TTC39B: variants seen among roughly 807,000 people sequenced by gnomAD.
TTC39B encodes tetratricopeptide repeat protein 39B.
A neutral mutation model predicts 96.6 loss-of-function variants in TTC39B; 92 were observed. The observed-to-expected ratio is 0.95, with a 90% CI of 0.80 to 1.13. The LOEUF (loss-of-function observed/expected upper bound fraction) is 1.13, where lower values mean the gene tolerates loss of function less well. TTC39B is among the 50% of genes most tolerant of loss of function. TTC39B has a pLI of 0.00. For synonymous variants in TTC39B, 367 were observed against 299.4 expected (o/e 1.23, Z -2.33); for missense variants, 955 against 809.3 (o/e 1.18, Z -2.18).
At chr9:15,227,627 G>A (rs1483523444) in intron 2 of TTC39B, among the ~76,000 whole-genome samples, 1 of 152,076 alleles carries the variant, frequency 6.6e-6, no homozygotes, top group Non-Finnish European at 1.5e-5. Context: ...CCATAAATAA[G>A]ACTCTGGGCA....
intron 3 of TTC39B, among the ~76,000 whole-genome samples, chr9:15,222,162 G>A (rs1414458880): frequency 6.6e-6 from 1 of 152,178 alleles, no homozygotes; most frequent in Non-Finnish European, 1.5e-5. Flanking sequence ...AAGAGGGAAT[G>A]GTACAGATGT....
intron 2 of TTC39B, among the ~76,000 whole-genome samples, chr9:15,256,401 G>C (rs976015989): frequency 1.3e-5 from 2 of 152,084 alleles, no homozygotes; most frequent in African/African-American, 4.8e-5. Flanking sequence ...AGCCCAAATG[G>C]ACTAAGACAG....
At chr9:15,304,962 C>G (rs994912607) in intron 1 of TTC39B, among the ~76,000 whole-genome samples, 1 of 152,174 alleles carries the variant, frequency 6.6e-6, no homozygotes, top group African/African-American at 2.4e-5. Context: ...ATCACTTTGT[C>G]CCTTTTAACT....
At chr9:15,233,038 A>C (rs991457274) in intron 2 of TTC39B, among the ~76,000 whole-genome samples, 2 of 151,862 alleles carry the variant, frequency 1.3e-5, no homozygotes, top group African/African-American at 2.4e-5. Flanking sequence ...GGAAAGAGGA[A>C]ATTTTGCGAT....
chr9:15,296,620 G>A (rs927705006), intron 1 of TTC39B, among the ~76,000 whole-genome samples: 16 of 152,034 alleles, frequency 1.1e-4, no homozygotes, highest in South Asian at 2.1e-4. Context: ...TCAGCCTCCC[G>A]AGTAGCTGGG....
intron 1 of TTC39B, among the ~76,000 whole-genome samples, chr9:15,281,741 A>G (rs534303112): frequency 1.3e-5 from 2 of 151,530 alleles, no homozygotes; most frequent in East Asian, 3.9e-4. Context: ...CAGTGGCACA[A>G]TCTAGGCTCA....
intron 2 of TTC39B, among the ~76,000 whole-genome samples, chr9:15,258,413 A>T (rs561555843): frequency 6.6e-6 from 1 of 152,378 alleles, no homozygotes; most frequent in African/African-American, 2.4e-5. Flanking sequence ...AGATAAACAA[A>T]GGAGGTGGAT....
intron 1 of TTC39B, among the ~76,000 whole-genome samples, chr9:15,282,689 C>A (rs1214107754): frequency 6.6e-6 from 1 of 152,150 alleles, no homozygotes; most frequent in Non-Finnish European, 1.5e-5. Flanking sequence ...AACTGATTTG[C>A]TCTTCATAAA....
intron 1 of TTC39B, among the ~76,000 whole-genome samples, chr9:15,288,834 C>T (rs1024636053): frequency 2.0e-5 from 3 of 152,248 alleles, no homozygotes; most frequent in Non-Finnish European, 4.4e-5. Context: ...TCTGCACCTG[C>T]CCATCTTTGT....
chr9:15,216,669 T>C (rs570578386), intron 3 of TTC39B, among the ~76,000 whole-genome samples: 3 of 152,338 alleles, frequency 2.0e-5, no homozygotes, highest in South Asian at 2.1e-4. Flanking sequence ...CTGGGGTCTA[T>C]AGACCCATTT....
At chr9:15,190,174 A>G (rs959070485) in intron 11 of TTC39B, among the ~76,000 whole-genome samples, 2 of 152,218 alleles carry the variant, frequency 1.3e-5, no homozygotes, top group African/African-American at 2.4e-5. Flanking sequence ...TTATTTAATG[A>G]AAGAAACTAC....
rs569229389 is a variant in TTC39B at position 15,185,424 on chromosome 9, C to G, written c.1488-18G>C. 4 of 1,612,946 alleles carry G rather than the reference C, an allele frequency of 2.5e-6. No individual in the cohort carries two copies. In the African/African-American group the frequency reaches 5.3e-5, roughly 22 times the overall value. ...CCACCTGTCTGTGAAGAACCCCAGC[C>G]CAGCCCCAGAGAAAGGTCATGGCAA... On this transcript the variant is annotated intron_variant, in intron 15 of 19. Transcript: ENST00000512701.
At chr9:15,225,369 AT>A (rs1327679074) in intron 3 of TTC39B, among the ~76,000 whole-genome samples, 1 of 152,172 alleles carries the variant, frequency 6.6e-6, no homozygotes, top group African/African-American at 2.4e-5. Flanking sequence ...ATAGCTCTGA[AT>A]TTTCTACAAT....
chr9:15,296,357 A>G (rs10961965), intron 1 of TTC39B, among the ~76,000 whole-genome samples: 35,096 of 152,208 alleles, frequency 0.23, 4,836 homozygotes, highest in Non-Finnish European at 0.29. Flanking sequence ...ACTGTACCTT[A>G]GAAATGGGGT....
intron 2 of TTC39B, among the ~76,000 whole-genome samples, chr9:15,246,224 G>A (rs1465421672): frequency 6.6e-6 from 1 of 152,150 alleles, no homozygotes; most frequent in Non-Finnish European, 1.5e-5. Flanking sequence ...TTGCACTCCA[G>A]CCTGGGCAAC....
intron 19 of TTC39B, among the ~76,000 whole-genome samples, chr9:15,174,178 C>A (rs1817805881): frequency 6.6e-6 from 1 of 152,146 alleles, no homozygotes; most frequent in African/African-American, 2.4e-5. Context: ...TGATATTTTT[C>A]TTGTCTATTT....
At chr9:15,198,562 T>G (rs1819327480) in intron 8 of TTC39B, among the ~76,000 whole-genome samples, 1 of 151,308 alleles carries the variant, frequency 6.6e-6, no homozygotes, top group Admixed American at 6.6e-5. Context: ...TGCTACAATA[T>G]TAACTCTAAG....
At chr9:15,266,308 AAAAT>A (rs1823128360) in intron 2 of TTC39B, among the ~76,000 whole-genome samples, 1 of 152,096 alleles carries the variant, frequency 6.6e-6, no homozygotes, top group South Asian at 2.1e-4. Flanking sequence ...GTATAATACT[AAAAT>A]AAAGAAAAAT....
intron 8 of TTC39B, among the ~76,000 whole-genome samples, chr9:15,196,573 G>C (rs954923756): frequency 1.3e-5 from 2 of 152,232 alleles, no homozygotes; most frequent in African/African-American, 4.8e-5. Flanking sequence ...CTGAAGATGA[G>C]ACTGACTGCT....
Sources: gnomAD v4.1 joint callset for allele counts (sites outside exome capture counted in the v4.1 genomes callset) on GRCh38, gnomAD v4.1.1 for gene constraint, MANE v1.5 for transcripts, NCBI Gene and HGNC (gene_info 2026-07-23, HGNC 2026-07-21) for gene names.